The following RSPH9 variants were observed in gnomAD, a reference collection of about 807,000 sequenced individuals.
RSPH9 encodes radial spoke head protein 9 homolog.
Under a neutral mutation model 27.0 loss-of-function variants are expected in RSPH9, and 27 were observed. The ratio of observed to expected loss-of-function variants is 1.00; its 90% CI spans 0.74 to 1.38. The LOEUF (loss-of-function observed/expected upper bound fraction) is 1.38, where lower values mean the gene tolerates loss of function less well. RSPH9 is among the 40% of genes most tolerant of loss of function. The probability of loss-of-function intolerance (pLI) is 0.00; values close to 1 mark genes in which losing one functional copy is unlikely to be tolerated. For synonymous variants in RSPH9, 145 were observed against 147.7 expected, an observed-to-expected ratio of 0.98 and a Z score of 0.13; for missense variants, 347 against 357.4, an observed-to-expected ratio of 0.97 and a Z score of 0.24.
At chr6:43,659,386 C>T (rs1468135198) in intron 4 of RSPH9, among the ~76,000 whole-genome samples, 4 of 143,044 alleles carry the variant, frequency 2.8e-5, no homozygotes, top group Admixed American at 2.8e-4. Context: ...CCATGCCCGG[C>T]TTTTTTTTTT....
At position 43,672,490 on chromosome 6, in the gene RSPH9, C is replaced by T. The variant is rs553403051; in HGVS notation, c.*1541C>T. 1 of 465,884 alleles carries T rather than the reference C, an allele frequency of 2.1e-6. No individual in the cohort carries two copies. The highest frequency in any genetic ancestry group is 4.5e-6 in the Non-Finnish European group (1 of 224,244). 28.9% of individuals were successfully genotyped at this position (465,884 alleles called of 1,614,324 possible). Reference sequence around the variant, plus strand: ...GGGAAAGATGGCTGCCGCCCATGGACCTTTGGCCTCCTTTGGGGATGGCCA... The same window carrying T: ...GGGAAAGATGGCTGCCGCCCATGGATCTTTGGCCTCCTTTGGGGATGGCCA... On this transcript the variant is annotated 3_prime_UTR_variant, in exon 5 of 5. Coordinates refer to ENST00000372163, the MANE Select transcript of RSPH9 (RefSeq NM_152732.5).
At chr6:43,666,591 G>A in intron 4 of RSPH9, 1 of 1,009,908 alleles carries the variant, frequency 9.9e-7, no homozygotes. Flanking sequence ...AGAGAGGAGT[G>A]GGAGAGCTGT....
chr6:43,654,245 C>G (rs1188631641), intron 2 of RSPH9, among the ~76,000 whole-genome samples: 2 of 152,146 alleles, frequency 1.3e-5, no homozygotes, highest in African/African-American at 4.8e-5. Context: ...TCTATGAAAT[C>G]CTTTTGTTCA....
intron 4 of RSPH9, among the ~76,000 whole-genome samples, chr6:43,657,856 T>C (rs928875783): frequency 4.6e-5 from 7 of 152,226 alleles, no homozygotes; most frequent in African/African-American, 1.7e-4. Context: ...TATACCACCC[T>C]GAATGTGCCT....
chr6:43,645,220 A>G lies in RSPH9; in HGVS notation c.122A>G (p.Tyr41Cys). The G allele has an allele frequency of 6.2e-7, 1 of 1,614,046 alleles. No homozygotes were observed. The highest frequency in any genetic ancestry group is 8.5e-7 in the Non-Finnish European group (1 of 1,180,012). Residue 41 changes from tyrosine (Y) to cysteine (C), a missense_variant, in exon 1 of 5, where the codon TAT becomes TGT. Coordinates refer to ENST00000372163, the MANE Select transcript of RSPH9 (RefSeq NM_152732.5). ...SLMLVKRDYR[Y>C]DRVLFWGRIL... Reference sequence around the variant, plus strand: ...ATGCTGGTTAAGCGCGACTACCGCTATGATCGGGTTCTCTTCTGGGGCCGC... The same window carrying G: ...ATGCTGGTTAAGCGCGACTACCGCTGTGATCGGGTTCTCTTCTGGGGCCGC...
chr6:43,667,078 C>T (rs1207514821), intron 4 of RSPH9, among the ~76,000 whole-genome samples: 3 of 152,280 alleles, frequency 2.0e-5, no homozygotes, highest in Non-Finnish European at 2.9e-5. Context: ...TCTTGCCATT[C>T]GATGCTCCCT....
At position 43,645,273 on chromosome 6, in the gene RSPH9, ATCGCGCAGG is replaced by A. The variant is rs1213787634; in HGVS notation, c.176_184del (p.Ile59_Gly62delinsSer). On this transcript the variant is annotated inframe_deletion, in exon 1 of 5. Transcript: ENST00000372163. ...CCTTGGCCTCGTCGCCGATTACTAC[ATCGCGCAGG>A]GCCTGAGTGAGGACCAGCTCGCACC... The A allele has an allele frequency of 6.2e-7, 1 of 1,613,626 alleles. No individual in the cohort carries two copies. The highest frequency in any genetic ancestry group is 1.7e-5 in the Admixed American group (1 of 59,964).
chr6:43,646,928 C>G (rs1487131949), intron 1 of RSPH9, among the ~76,000 whole-genome samples: 3 of 148,152 alleles, frequency 2.0e-5, no homozygotes, highest in Non-Finnish European at 3.0e-5. Context: ...GCACTCCAGC[C>G]TGGGTGACAG....
In RSPH9 at chr6:43,671,994, C is replaced by A. The variant is rs1773730355; in HGVS notation, c.*1045C>A. ...TGGAGCACTACCTCCTCAGGCCAGG[C>A]CACGGTTGGGCAAGCAAATCCTTTC... On this transcript the variant is annotated 3_prime_UTR_variant, in exon 5 of 5. Transcript: ENST00000372163. The A allele has an allele frequency of 3.5e-6, 5 of 1,414,048 alleles. No individual in the cohort carries two copies. Among genetic ancestry groups the A allele is most frequent in the Admixed American group, 5.5e-5 (2 of 36,406 alleles). The allele number at this position is 1,414,048 out of a possible 1,614,324, so 87.6% of individuals were successfully genotyped here.
At chr6:43,657,981 A>G (rs1376460270) in intron 4 of RSPH9, among the ~76,000 whole-genome samples, 1 of 152,164 alleles carries the variant, frequency 6.6e-6, no homozygotes, top group Non-Finnish European at 1.5e-5. Flanking sequence ...AACACATAGT[A>G]AGGACTCAAA....
At chr6:43,658,781 T>C (rs1307601457) in intron 4 of RSPH9, among the ~76,000 whole-genome samples, 1 of 152,158 alleles carries the variant, frequency 6.6e-6, no homozygotes, top group Non-Finnish European at 1.5e-5. Context: ...CCTGACCTTA[T>C]GATCCGCCTA....
rs759429967 is a variant in RSPH9 at position 43,645,334 on chromosome 6, G to T, written c.227+9G>T. On this transcript the variant is annotated intron_variant, in intron 1 of 4. Coordinates refer to ENST00000372163, the MANE Select transcript of RSPH9 (RefSeq NM_152732.5). ...CGCAAGACGCTCTATAGGTGAGGAG[G>T]CCCCCGGGACGGGCTCCCCAGAGGG... 1.3e-4 allele frequency: 154 copies of T among 1,199,374 alleles called. No homozygotes were observed. Among genetic ancestry groups the T allele is most frequent in the Non-Finnish European group, 1.5e-4 (139 of 932,404 alleles). 74.3% of individuals were successfully genotyped at this position (1,199,374 alleles called of 1,614,324 possible).
At position 43,655,710 on chromosome 6, in the gene RSPH9, C is replaced by G; in HGVS notation, c.523+19C>G. 1.2e-6 allele frequency: 2 copies of G among 1,614,122 alleles called. No homozygotes were observed. The highest frequency in any genetic ancestry group is 4.5e-5 in the East Asian group (2 of 44,886). On this transcript the variant is annotated intron_variant, in intron 3 of 4. Coordinates refer to ENST00000372163, the MANE Select transcript of RSPH9 (RefSeq NM_152732.5). Reference sequence around the variant, plus strand: ...TTTGAAGGTGAGTTCTCTGGGGCCCCTCTCAAGGGCTGGGGGTATCTTTTC... The same window carrying G: ...TTTGAAGGTGAGTTCTCTGGGGCCCGTCTCAAGGGCTGGGGGTATCTTTTC...
Position 43,671,704 on chromosome 6 carries a change from G to A in RSPH9, c.*755G>A. On this transcript the variant is annotated 3_prime_UTR_variant, in exon 5 of 5. Transcript: ENST00000372163. Reference sequence around the variant, plus strand: ...TATAGTTGTGGCCAAGGGCTTGTGAGTGGGCCTCCTACTCCCCAGCACAGG... The same window carrying A: ...TATAGTTGTGGCCAAGGGCTTGTGAATGGGCCTCCTACTCCCCAGCACAGG... 6.2e-7 allele frequency: 1 copy of A among 1,604,132 alleles called. No individual in the cohort carries two copies. Among genetic ancestry groups the A allele is most frequent in the Non-Finnish European group, 8.5e-7 (1 of 1,171,930 alleles).
chr6:43,646,770 G>T (rs995922497), intron 1 of RSPH9, among the ~76,000 whole-genome samples: 2 of 151,300 alleles, frequency 1.3e-5, no homozygotes, highest in African/African-American at 4.8e-5. Context: ...AGACCATCCT[G>T]GCTAACGCGG....
rs1330357391 is a variant in RSPH9, at chr6:43,670,934, G to A, written c.816G>A (p.Leu272=). ...YVGTGEKNMD[L]PFML is the part of the protein sequence containing the mutation. ...GCACTGGCGAGAAGAACATGGACTT[G>A]CCCTTCATGCTATAGAATGGGAGCC... The change falls in exon 5 of 5, where the codon TTG becomes TTA. Residue 272 remains leucine (L), a synonymous_variant. Transcript: ENST00000372163. The A allele has an allele frequency of 6.2e-7, 1 of 1,614,208 alleles. No individual in the cohort carries two copies. Among genetic ancestry groups the A allele is most frequent in the South Asian group, 1.1e-5 (1 of 91,088 alleles).
At chr6:43,645,794 T>G (rs1248490335) in intron 1 of RSPH9, among the ~76,000 whole-genome samples, 3 of 152,160 alleles carry the variant, frequency 2.0e-5, no homozygotes, top group East Asian at 3.8e-4. Context: ...AGGCTCAGTT[T>G]GGAGAAGAGT....
At chr6:43,652,376 A>T (rs2127897239) in intron 2 of RSPH9, among the ~76,000 whole-genome samples, 2 of 151,636 alleles carry the variant, frequency 1.3e-5, no homozygotes, top group East Asian at 3.9e-4. Context: ...TTTTCACCTA[A>T]TGATATATTT....
In RSPH9 at chr6:43,662,405, C is replaced by T. The variant is rs1361209865; in HGVS notation, c.670+5682C>T. Among the ~76,000 whole-genome samples the T allele has an allele frequency of 5.3e-5, 8 of 149,740 alleles. No homozygotes were observed. In the South Asian group the frequency reaches 6.4e-4, roughly 12 times the overall value. On this transcript the variant is annotated intron_variant, in intron 4 of 4. Transcript: ENST00000372163. ...TTTTTGAGACGGAGTCTTGCTCTGT[C>T]GCCCAGGCTGGAGTGCAGTGGTGCA...
Sources: allele counts gnomAD v4.1 joint callset (sites outside exome capture counted in the v4.1 genomes callset), GRCh38; gene constraint gnomAD v4.1.1; transcripts MANE v1.5; gene names NCBI Gene and HGNC (gene_info 2026-07-23, HGNC 2026-07-21).